Variants in ARHGAP17 observed in about 807,000 individuals in gnomAD.
ARHGAP17 encodes the protein rho GTPase-activating protein 17.
Under a neutral mutation model 99.5 loss-of-function variants are expected in ARHGAP17, and 57 were observed. That is an observed-to-expected ratio of 0.57 (90% CI 0.46 to 0.71). The LOEUF is 0.71. Among genes scored for constraint, ARHGAP17 ranks in the 30% least tolerant of loss-of-function variants. The pLI, the probability that ARHGAP17 is intolerant of heterozygous loss-of-function variation, is 0.00. For synonymous variants in ARHGAP17, 417 were observed against 429.6 expected (o/e 0.97, Z 0.36); for missense variants, 1,000 against 1,122.4 (o/e 0.89, Z 1.56).
chr16:24,942,490 G>C (rs938658726), intron 15 of ARHGAP17, among the ~76,000 whole-genome samples: 10 of 152,128 alleles, frequency 6.6e-5, no homozygotes, highest in Non-Finnish European at 1.0e-4. Context: ...CATTTAGCTG[G>C]GTGTGGTGGC....
intron 12 of ARHGAP17, among the ~76,000 whole-genome samples, chr16:24,949,864 A>G (rs2051582470): frequency 6.6e-6 from 1 of 152,218 alleles, no homozygotes; most frequent in Non-Finnish European, 1.5e-5. Context: ...CAAGCAGCCC[A>G]GCCACAGATC....
intron 19 of ARHGAP17, among the ~76,000 whole-genome samples, chr16:24,925,065 A>C (rs1276765263): frequency 6.6e-6 from 1 of 152,004 alleles, no homozygotes; most frequent in Non-Finnish European, 1.5e-5. Flanking sequence ...TTTGGGAAAG[A>C]GGGAAAATGT....
At chr16:24,991,514 C>T (rs28497324) in intron 1 of ARHGAP17, among the ~76,000 whole-genome samples, 9,724 of 151,734 alleles carry the variant, frequency 0.064, 443 homozygotes, top group South Asian at 0.15. Context: ...GCAGGAGTAG[C>T]GCAGGACGTT....
At position 24,943,489 on chromosome 16, in the gene ARHGAP17, C is replaced by T. The variant is rs577936979; in HGVS notation, c.1333+282G>A. On this transcript the variant is annotated intron_variant, in intron 15 of 19. Transcript: ENST00000289968. ...CATCTTCTCCAGTGGCCGGAGTTCC[C>T]CCAGGTAAGACGGCATGTTTCACCA... Among the ~76,000 whole-genome samples, 4 of 152,288 alleles carry T rather than the reference C, an allele frequency of 2.6e-5. No homozygotes were observed. The East Asian group carries it at 7.7e-4, about 29-fold the overall frequency.
chr16:24,947,660 G>C, intron 13 of ARHGAP17, 65 bp from the exon 14 acceptor site: 2 of 1,401,360 alleles, frequency 1.4e-6, no homozygotes, highest in Non-Finnish European at 2.0e-6. Flanking sequence ...TTCTCTTCCT[G>C]CCTGGGTGCA....
chr16:25,004,836 G>T (rs2053462815), intron 1 of ARHGAP17, among the ~76,000 whole-genome samples: 1 of 152,234 alleles, frequency 6.6e-6, no homozygotes, highest in Admixed American at 6.5e-5. Context: ...TCAAAAGGAA[G>T]TAGCCAATGC....
At chr16:25,008,208 T>C (rs901397627) in intron 1 of ARHGAP17, among the ~76,000 whole-genome samples, 3 of 152,228 alleles carry the variant, frequency 2.0e-5, no homozygotes, top group African/African-American at 7.2e-5. Flanking sequence ...TCTTTTTTTG[T>C]AACTTATTTG....
chr16:24,967,689 G>C (rs1471852025), intron 6 of ARHGAP17, among the ~76,000 whole-genome samples: 3 of 150,726 alleles, frequency 2.0e-5, no homozygotes, highest in African/African-American at 7.3e-5. Context: ...CTGGGATGCC[G>C]AGGCAGAAGG....
At chr16:24,927,707 C>G (rs893899292) in intron 19 of ARHGAP17, 41 of 1,222,922 alleles carry the variant, frequency 3.4e-5, no homozygotes, top group Non-Finnish European at 4.3e-5. Flanking sequence ...AATCTCAGTT[C>G]TTACTGAATA....
intron 14 of ARHGAP17, among the ~76,000 whole-genome samples, chr16:24,947,034 T>C (rs1343856115): frequency 6.6e-6 from 1 of 152,204 alleles, no homozygotes; most frequent in African/African-American, 2.4e-5. Context: ...TAAGTAGGCA[T>C]GAATTAAATG....
intron 18 of ARHGAP17, among the ~76,000 whole-genome samples, chr16:24,931,755 C>T (rs1356943231): frequency 1.3e-5 from 2 of 152,082 alleles, no homozygotes; most frequent in African/African-American, 4.8e-5. Context: ...TGGATGAGAT[C>T]CTGGGACAGA....
rs115401250 is a variant in ARHGAP17 at position 24,924,532 on chromosome 16, A to G, written c.2516-4272T>C. 7.0e-3 allele frequency among the ~76,000 whole-genome samples: 1,063 copies of G among 151,944 alleles called. 18 individuals are homozygous for G. The highest frequency in any genetic ancestry group is 0.024 in the African/African-American group (994 of 41,430). On this transcript the variant is annotated intron_variant, in intron 19 of 19. Transcript: ENST00000289968. ...CCAGCCCTTGGAAGGCAGAGAATAT[A>G]TAAATTCACAACCAAAGAGGTTTAG...
At chr16:24,922,883 A>G (rs1215448425) in intron 19 of ARHGAP17, among the ~76,000 whole-genome samples, 1 of 151,688 alleles carries the variant, frequency 6.6e-6, no homozygotes, top group Admixed American at 6.6e-5. Flanking sequence ...CACCATGTTG[A>G]CTGGGCTGGT....
chr16:24,995,034 T>A (rs1484338978), intron 1 of ARHGAP17, among the ~76,000 whole-genome samples: 1 of 152,094 alleles, frequency 6.6e-6, no homozygotes, highest in East Asian at 1.9e-4. Flanking sequence ...TCAAATGGCA[T>A]CAGCAAGGAG....
At chr16:24,925,440 C>T (rs184043586) in intron 19 of ARHGAP17, among the ~76,000 whole-genome samples, 1 of 152,268 alleles carries the variant, frequency 6.6e-6, no homozygotes, top group Non-Finnish European at 1.5e-5. Context: ...CTTTGATCCT[C>T]TTTGGTTGAA....
chr16:24,939,342 C>T, intron 17 of ARHGAP17, 22 bp downstream of exon 17: 1 of 1,569,238 alleles, frequency 6.4e-7, no homozygotes, highest in Non-Finnish European at 8.6e-7. Context: ...CCTCCACTGC[C>T]AGCAGAAGTC....
rs1440317483 is a variant in ARHGAP17 at position 24,935,491 on chromosome 16, T to C, written c.1873A>G (p.Ser625Gly). ...MGQPHNAAGPSPHTLRRAVKK... is the reference protein window; with the variant it reads ...MGQPHNAAGPGPHTLRRAVKK... ...TTACCTCGGCGCAGTGTATGCGGGC[T>C]GGGCCCTGCAGCATTGTGAGGTTGG... is the stretch of plus-strand genomic sequence containing the variant. The change falls in exon 18 of 20, where the codon AGC (serine) becomes GGC (glycine). Residue 625 changes from serine (S) to glycine (G), a missense_variant. Around this residue, in one of 2 missense-constraint regions of ARHGAP17, gnomAD observed 528 missense variants for 511.4 expected, o/e 1.03. Coordinates refer to ENST00000289968, the MANE Select transcript of ARHGAP17 (RefSeq NM_001006634.3). 1 of 1,607,750 alleles carries C rather than the reference T, an allele frequency of 6.2e-7. No individual in the cohort carries two copies.
At chr16:25,014,341 A>G (rs908765381) in intron 1 of ARHGAP17, among the ~76,000 whole-genome samples, 2 of 152,234 alleles carry the variant, frequency 1.3e-5, no homozygotes, top group Non-Finnish European at 2.9e-5. Context: ...CCCAGATAAT[A>G]CAGCACATGA....
At chr16:24,998,384 G>A (rs1005265770) in intron 1 of ARHGAP17, among the ~76,000 whole-genome samples, 1 of 152,042 alleles carries the variant, frequency 6.6e-6, no homozygotes, top group Non-Finnish European at 1.5e-5. Flanking sequence ...CAGGACAGCG[G>A]CACAGGTGGC....
Sources: allele counts gnomAD v4.1 joint callset (sites outside exome capture counted in the v4.1 genomes callset), GRCh38; gene constraint gnomAD v4.1.1; regional missense constraint gnomAD v4.1.1; transcripts MANE v1.5; gene names NCBI Gene and HGNC (gene_info 2026-07-23, HGNC 2026-07-21).